PPFIA4: variants seen among roughly 807,000 people sequenced by gnomAD.
PPFIA4 encodes liprin-alpha-4.
In PPFIA4, 98 loss-of-function variants were observed where a neutral mutation model predicts 145.7. The observed-to-expected ratio is 0.67, with a 90% CI of 0.57 to 0.80. The LOEUF (loss-of-function observed/expected upper bound fraction) is 0.80. Among genes scored for constraint, PPFIA4 ranks in the 30% least tolerant of loss-of-function variants. PPFIA4 has a pLI of 0.00. For missense variants in PPFIA4, 1,457 were observed against 1,632.7 expected, an observed-to-expected ratio of 0.89 and a Z score of 1.85; for synonymous variants, 628 against 649.6, an observed-to-expected ratio of 0.97 and a Z score of 0.51.
intron 1 of PPFIA4, among the ~76,000 whole-genome samples, chr1:203,031,775 T>C (rs1210975852): frequency 6.6e-6 from 1 of 152,242 alleles, no homozygotes; most frequent in African/African-American, 2.4e-5. Flanking sequence ...TTTCTTCTTC[T>C]GCAAACATTA....
At chr1:203,049,630 C>T in intron 12 of PPFIA4, 46 bp from the exon 13 acceptor site, 1 of 1,392,968 alleles carries the variant, frequency 7.2e-7, no homozygotes, top group Non-Finnish European at 9.6e-7. Flanking sequence ...CTCTCTGCCC[C>T]TCCCTGGCCC....
At position 203,064,995 on chromosome 1, in the gene PPFIA4, G is replaced by T. The variant is rs1436013662; in HGVS notation, c.3050+992G>T. Among the ~76,000 whole-genome samples, 3 of 152,228 alleles carry T rather than the reference G, an allele frequency of 2.0e-5. No homozygotes were observed. In the East Asian group the frequency reaches 5.8e-4, roughly 29 times the overall value. ...TGTCTTGACTGGATAATAAGACCAG[G>T]AGTAGGGGTCTTCGAGGTTCTCTCA... is the stretch of plus-strand genomic sequence containing the variant. On this transcript the variant is annotated intron_variant, in intron 25 of 29. Coordinates refer to ENST00000295706, the MANE Select transcript of PPFIA4 (RefSeq NM_001304331.2).
Position 203,067,792 on chromosome 1 carries a change from G to T in PPFIA4, c.3148G>T (p.Asp1050Tyr). Reference protein sequence around the residue: ...RREESQHEIKDVLVWTNDQVV... With the variant: ...RREESQHEIKYVLVWTNDQVV... ...AGAGGAGAGCCAGCATGAGATCAAG[G>T]GTAAGCTCGTCAGGCTTGGAGAGGG... The change falls in exon 26 of 30, where the codon GAT (aspartate) becomes TAT (tyrosine). Residue 1050 changes from aspartate to tyrosine, a missense_variant and splice_region_variant. Physicochemically the swap from Asp to Tyr is radical, Grantham distance 160. Transcript: ENST00000295706. The T allele has an allele frequency of 6.2e-7, 1 of 1,613,620 alleles. No individual in the cohort carries two copies. Among genetic ancestry groups the T allele is most frequent in the Non-Finnish European group, 8.5e-7 (1 of 1,179,826 alleles).
chr1:203,036,507 C>T (rs965003692), intron 1 of PPFIA4, among the ~76,000 whole-genome samples: 1 of 151,562 alleles, frequency 6.6e-6, no homozygotes, highest in African/African-American at 2.4e-5. Flanking sequence ...CTTCCCTAGC[C>T]TAGTCTTCTC....
In PPFIA4 at chr1:203,059,107, C is replaced by T. The variant is rs114266137; in HGVS notation, c.2408-71C>T. Reference sequence around the variant, plus strand: ...CAAGGAGCCTCCTGCTGCTTCTGTTCCCCACCCCTGATCCAGGCAAGGGAG... The same window carrying T: ...CAAGGAGCCTCCTGCTGCTTCTGTTTCCCACCCCTGATCCAGGCAAGGGAG... On this transcript the variant is annotated intron_variant, in intron 19 of 29. Coordinates refer to ENST00000295706, the MANE Select transcript of PPFIA4 (RefSeq NM_001304331.2). 815 of 1,258,752 alleles carry T rather than the reference C, an allele frequency of 6.5e-4. 4 individuals are homozygous for T. The African/African-American group carries it at 0.011, about 17-fold the overall frequency. 78.0% of individuals were successfully genotyped at this position (1,258,752 alleles called of 1,614,324 possible).
intron 24 of PPFIA4, 107 bp from the exon 25 acceptor site, chr1:203,063,721 C>T (rs1370652485): frequency 1.8e-6 from 2 of 1,142,802 alleles, no homozygotes; most frequent in African/African-American, 3.1e-5. Context: ...CTTCCTCCCT[C>T]ATGGGTGGAG....
chr1:203,064,132 C>G, intron 25 of PPFIA4, 129 bp downstream of exon 25: 1 of 990,678 alleles, frequency 1.0e-6, no homozygotes. Flanking sequence ...CAGGTCTCCC[C>G]CTTGGGAAAG....
rs1391903457 is a variant in PPFIA4 at position 203,040,983 on chromosome 1, G to A, written c.234+1741G>A. On this transcript the variant is annotated intron_variant, in intron 2 of 29. Transcript: ENST00000295706. The stretch of plus-strand genomic sequence containing the variant: ...ATGATAGGTGCTCACAAATATTTGT[G>A]GTTGAATGATGGACTCCCAAGTTGG... 3.3e-5 allele frequency among the ~76,000 whole-genome samples: 5 copies of A among 152,184 alleles called. No homozygotes were observed. The East Asian group carries it at 9.6e-4, about 29-fold the overall frequency.
intron 14 of PPFIA4, among the ~76,000 whole-genome samples, 176 bp downstream of exon 14, chr1:203,052,053 C>CCCCT (rs767423966): frequency 6.9e-6 from 1 of 145,704 alleles, no homozygotes; most frequent in Non-Finnish European, 1.5e-5. Context: ...GTGCCCCCCC[C>CCCCT]CCCGCTTGCC....
intron 1 of PPFIA4, among the ~76,000 whole-genome samples, chr1:203,031,950 A>G (rs1418438565): frequency 6.6e-6 from 1 of 152,058 alleles, no homozygotes; most frequent in Non-Finnish European, 1.5e-5. Flanking sequence ...TTAGACAGTT[A>G]GAGTGTGGAA....
chr1:203,054,247 T>A, intron 15 of PPFIA4: 1 of 629,288 alleles, frequency 1.6e-6, no homozygotes, highest in Non-Finnish European at 2.9e-6. Flanking sequence ...TCTTAACCAC[T>A]AAGAGTGTAG....
At position 203,058,290 on chromosome 1, in the gene PPFIA4, G is replaced by A. The variant is rs1460708837; in HGVS notation, c.2408-888G>A. 2.6e-5 allele frequency among the ~76,000 whole-genome samples: 4 copies of A among 152,290 alleles called. No homozygotes were observed. The East Asian group carries it at 7.7e-4, about 29-fold the overall frequency. On this transcript the variant is annotated intron_variant, in intron 19 of 29. Transcript: ENST00000295706. ...TTTGCTGAGACAGGGAGAGGTCTGTGTGTGAAGGAAAGGGGTGGTCTGGGA... is the reference window on the plus strand; with the variant it reads ...TTTGCTGAGACAGGGAGAGGTCTGTATGTGAAGGAAAGGGGTGGTCTGGGA...
chr1:203,040,306 AC>A (rs918302543), intron 2 of PPFIA4, among the ~76,000 whole-genome samples: 6 of 152,148 alleles, frequency 3.9e-5, no homozygotes, highest in African/African-American at 1.4e-4. Context: ...GCCTACCCTG[AC>A]CCAGTGGGGG....
intron 1 of PPFIA4, chr1:203,037,072 A>G: frequency 4.1e-6 from 1 of 243,796 alleles, no homozygotes; most frequent in South Asian, 3.4e-5. Context: ...AAGGGCTGCG[A>G]GTGTGAGCTC....
rs117993442 is a variant in PPFIA4, at chr1:203,042,235, A to T, written c.235-1162A>T. Among the ~76,000 whole-genome samples, 110 of 152,284 alleles carry T rather than the reference A, an allele frequency of 7.2e-4. 1 individual carries two copies. The East Asian group carries it at 0.018, about 25-fold the overall frequency. ...GAGGTGATGTTTAGCTAAACAGGATATGATGAGCCTGGAATGTGGGAGCAG... is the reference window on the plus strand; with the variant it reads ...GAGGTGATGTTTAGCTAAACAGGATTTGATGAGCCTGGAATGTGGGAGCAG... On this transcript the variant is annotated intron_variant, in intron 2 of 29. Coordinates refer to ENST00000295706, the MANE Select transcript of PPFIA4 (RefSeq NM_001304331.2).
In PPFIA4 at chr1:203,055,800, C is replaced by T. The variant is rs756006758; in HGVS notation, c.2070+128C>T. The T allele has an allele frequency of 1.5e-4, 215 of 1,408,872 alleles. No homozygotes were observed. The highest frequency in any genetic ancestry group is 1.9e-4 in the Non-Finnish European group (193 of 1,035,750). The allele number at this position is 1,408,872 out of a possible 1,614,324, so 87.3% of individuals were successfully genotyped here. A position where few individuals can be genotyped will look rare whatever the true frequency, so the allele number is the denominator to read the frequency against. On this transcript the variant is annotated intron_variant, in intron 16 of 29. Transcript: ENST00000295706. This position sits in a 1 kb window ranked among gnomAD's most constrained non-coding sequence, Gnocchi z 4.8. ...TTCTTCCCATGGTGTGTGCAGACCC[C>T]GACATGTCAGGCCACCAGCCTGTCC...
intron 1 of PPFIA4, among the ~76,000 whole-genome samples, chr1:203,038,188 C>T (rs1659437716): frequency 2.0e-5 from 3 of 152,204 alleles, no homozygotes; most frequent in Non-Finnish European, 2.9e-5. Flanking sequence ...CTGCATTTGC[C>T]TTGGTTGGCT....
At chr1:203,049,044 C>A (rs936660342) in intron 12 of PPFIA4, 64 bp downstream of exon 12, 18 of 1,485,466 alleles carry the variant, frequency 1.2e-5, no homozygotes, top group Non-Finnish European at 1.6e-5. Flanking sequence ...GAAAGGACAC[C>A]CTGCTTTTAA....
At chr1:203,069,755 A>AC (rs5780138) in intron 27 of PPFIA4, among the ~76,000 whole-genome samples, 6,330 of 103,046 alleles carry the variant, frequency 0.061, 117 homozygotes, top group East Asian at 0.083. Flanking sequence ...TTCTGCAGTG[A>AC]CCCCCCCGCC....
Sources: gnomAD v4.1 joint callset for allele counts (sites outside exome capture counted in the v4.1 genomes callset) on GRCh38, gnomAD v4.1.1 for gene constraint, Gnocchi (gnomAD v3.1) non-coding constraint, MANE v1.5 for transcripts, NCBI Gene and HGNC (gene_info 2026-07-23, HGNC 2026-07-21) for gene names.